The following HEBP1 variants were observed in gnomAD, a reference collection of about 807,000 sequenced individuals.
HEBP1 encodes heme binding protein 1.
HEBP1 carries 13 observed loss-of-function variants against 20.4 expected under a neutral mutation model. The observed-to-expected ratio is 0.64, with a 90% CI of 0.42 to 1.01. The LOEUF (loss-of-function observed/expected upper bound fraction) is 1.01. Among genes scored for constraint, HEBP1 ranks in the 50% least tolerant of loss-of-function variants. The pLI is 0.00. For missense variants in HEBP1, 241 were observed against 247.3 expected (o/e 0.97, Z 0.17); for synonymous variants, 92 against 90.7 (o/e 1.01, Z -0.08).
chr12:12,993,430 T>C (rs1864250855), intron 1 of HEBP1, among the ~76,000 whole-genome samples: 1 of 151,624 alleles, frequency 6.6e-6, no homozygotes, highest in South Asian at 2.1e-4. Flanking sequence ...TCTGAGCTCA[T>C]GCGATCCACC....
intron 1 of HEBP1, among the ~76,000 whole-genome samples, chr12:12,994,762 T>C (rs1473552631): frequency 7.9e-5 from 12 of 152,036 alleles, no homozygotes; most frequent in Admixed American, 7.9e-4. Flanking sequence ...GAGCAAACTG[T>C]CCATTGGGTA....
chr12:12,999,233 C>G (rs746235932), intron 1 of HEBP1, among the ~76,000 whole-genome samples: 3 of 152,362 alleles, frequency 2.0e-5, no homozygotes, highest in African/African-American at 7.2e-5. Flanking sequence ...GTATCTACTA[C>G]GTTTTTTCCT....
chr12:12,991,707 C>T lies in HEBP1; in HGVS notation c.79-2292G>A, dbSNP rs138040690. Among the ~76,000 whole-genome samples the T allele has an allele frequency of 8.9e-3, 1,359 of 152,292 alleles. 10 individuals carry two copies. Among genetic ancestry groups the T allele is most frequent in the Middle Eastern group, 0.027 (8 of 294 alleles). ...TACAGCCTGTCTTATCATGAATATACACATAGTTAAAGTTTCACAAAGTAA... is the reference window on the plus strand; with the variant it reads ...TACAGCCTGTCTTATCATGAATATATACATAGTTAAAGTTTCACAAAGTAA... On this transcript the variant is annotated intron_variant, in intron 1 of 3. Coordinates refer to ENST00000014930, the MANE Select transcript of HEBP1 (RefSeq NM_015987.5).
chr12:12,993,859 A>G (rs748303383), intron 1 of HEBP1, among the ~76,000 whole-genome samples: 47 of 152,176 alleles, frequency 3.1e-4, no homozygotes, highest in Non-Finnish European at 5.3e-4. Flanking sequence ...GGGGGCAAGG[A>G]GTGCCAGGGC....
intron 3 of HEBP1, chr12:12,977,436 G>A (rs1864004555): frequency 6.6e-6 from 1 of 152,238 alleles, no homozygotes; most frequent in Non-Finnish European, 1.5e-5. Context: ...GTAGCTGAGT[G>A]TTGTGGTGCA....
At position 12,975,254 on chromosome 12, in the gene HEBP1, G is replaced by A. The variant is rs79429827; in HGVS notation, c.*54C>T. 4.7e-4 allele frequency: 736 copies of A among 1,561,060 alleles called. 3 individuals carry two copies. In the African/African-American group the frequency reaches 9.2e-3, roughly 20 times the overall value. On this transcript the variant is annotated 3_prime_UTR_variant, in exon 4 of 4. Transcript: ENST00000014930. ...GAAGCACTGTCCCCTCCTTACCCCC[G>A]AGGAAGGAGACACAGAGGCACACTT... is the stretch of plus-strand genomic sequence containing the variant.
At chr12:12,988,671 T>A (rs1864181627) in intron 2 of HEBP1, among the ~76,000 whole-genome samples, 1 of 152,236 alleles carries the variant, frequency 6.6e-6, no homozygotes, top group Admixed American at 6.5e-5. Context: ...AACTCATTTT[T>A]AAATATGGTT....
chr12:12,987,610 C>CTCTCTCTT (rs1366687958), intron 2 of HEBP1, among the ~76,000 whole-genome samples: 8 of 146,124 alleles, frequency 5.5e-5, no homozygotes, highest in Non-Finnish European at 1.1e-4. Flanking sequence ...CTCTCTCTCT[C>CTCTCTCTT]TTTCTCTCTC....
In HEBP1 at chr12:12,987,590, TTCTCTC is replaced by T. The variant is rs145821079; in HGVS notation, c.218-264_218-259del. The stretch of plus-strand genomic sequence containing the variant: ...TCAAGACTGTAGATTATCAGTCTCT[TTCTCTC>T]TCTCTCTCTCTCTCTTTCTCTCTCT... On this transcript the variant is annotated intron_variant, in intron 2 of 3. Coordinates refer to ENST00000014930, the MANE Select transcript of HEBP1 (RefSeq NM_015987.5). Among the ~76,000 whole-genome samples the T allele has an allele frequency of 1.1e-4, 15 of 133,212 alleles. 1 individual carries two copies. Among genetic ancestry groups the T allele is most frequent in the Middle Eastern group, 6.7e-3 (2 of 298 alleles). The allele number at this position is 133,212 out of a possible 152,430, so 87.4% of individuals were successfully genotyped here.
intron 2 of HEBP1, 108 bp downstream of exon 2, chr12:12,989,169 G>T: frequency 8.5e-7 from 1 of 1,179,610 alleles, no homozygotes; most frequent in Non-Finnish European, 1.2e-6. Context: ...CATTGAAACA[G>T]GTCACTACAG....
chr12:12,977,664 C>T (rs909428236), intron 3 of HEBP1: 1 of 152,320 alleles, frequency 6.6e-6, no homozygotes, highest in Admixed American at 6.5e-5. Flanking sequence ...CTCACTTTCT[C>T]AATTAGGCCT....
At position 13,000,084 on chromosome 12, in the gene HEBP1, C is replaced by G. The variant is rs1371613593; in HGVS notation, c.31G>C (p.Gly11Arg). 2 of 1,612,618 alleles carry G rather than the reference C, an allele frequency of 1.2e-6. No homozygotes were observed. The highest frequency in any genetic ancestry group is 1.7e-5 in the Admixed American group (1 of 59,894). MLGMIKNSLFGSVETWPWQVL... is the reference protein window; with the variant it reads MLGMIKNSLFRSVETWPWQVL... ...TGCCAAGGCCACGTCTCTACGCTTC[C>G]GAACAGCGAGTTCTTGATCATGCCC... is the stretch of plus-strand genomic sequence containing the variant. The change falls in exon 1 of 4, where the codon GGA becomes CGA. Residue 11 changes from glycine to arginine, a missense_variant. Coordinates refer to ENST00000014930, the MANE Select transcript of HEBP1 (RefSeq NM_015987.5).
In HEBP1 at chr12:12,986,817, T is replaced by C. The variant is rs1025037794; in HGVS notation, c.398+335A>G. 2 of 200,428 alleles carry C rather than the reference T, an allele frequency of 1.0e-5. No individual in the cohort carries two copies. The highest frequency in any genetic ancestry group is 4.6e-5 in the African/African-American group (2 of 43,026). 12.4% of individuals were successfully genotyped at this position (200,428 alleles called of 1,614,324 possible). A position where few individuals can be genotyped will look rare whatever the true frequency, so the allele number is the denominator to read the frequency against. ...CTCAGCCCTTTATGCTTCCCATGTG[T>C]CCACGAATCCAGACCATGGCTTGAC... On this transcript the variant is annotated intron_variant, in intron 3 of 3. Transcript: ENST00000014930. The surrounding 1 kb of genome is among the most constrained non-coding windows in gnomAD (Gnocchi z 4.3).
intron 3 of HEBP1, among the ~76,000 whole-genome samples, chr12:12,977,951 A>G (rs1435875549): frequency 3.9e-5 from 6 of 152,184 alleles, no homozygotes; most frequent in Admixed American, 2.0e-4. Flanking sequence ...TTAAATGAAC[A>G]ATTCTGGGCT....
In HEBP1 at chr12:12,976,445, C is replaced by G. The variant is rs563507471; in HGVS notation, c.399-966G>C. ...TATACCACTCTAAATCTGGGTTGCA[C>G]TAAAATTTTTATTAGAGTCAAGTAC... On this transcript the variant is annotated intron_variant, in intron 3 of 3. Coordinates refer to ENST00000014930, the MANE Select transcript of HEBP1 (RefSeq NM_015987.5). Among the ~76,000 whole-genome samples, 5 of 152,324 alleles carry G rather than the reference C, an allele frequency of 3.3e-5. No individual in the cohort carries two copies. In the South Asian group the frequency reaches 1.0e-3, roughly 32 times the overall value.
At chr12:12,982,772 C>A (rs530362594) in intron 3 of HEBP1, among the ~76,000 whole-genome samples, 1 of 152,286 alleles carries the variant, frequency 6.6e-6, no homozygotes, top group South Asian at 2.1e-4. Flanking sequence ...GGTTCTAACC[C>A]AAGTGTATCT....
At position 12,986,988 on chromosome 12, in the gene HEBP1, C is replaced by T; in HGVS notation, c.398+164G>A. ...ATAAAATGCAAATGTGTGTGTGCTG[C>T]AGCCTGAAGAAATTAAAATGAGAAA... On this transcript the variant is annotated intron_variant, in intron 3 of 3. Coordinates refer to ENST00000014930, the MANE Select transcript of HEBP1 (RefSeq NM_015987.5). This position sits in a 1 kb window ranked among gnomAD's most constrained non-coding sequence, Gnocchi z 4.3. 1.5e-6 allele frequency: 1 copy of T among 661,506 alleles called. No homozygotes were observed. Among genetic ancestry groups the T allele is most frequent in the Non-Finnish European group, 2.6e-6 (1 of 378,734 alleles). 41.0% of individuals were successfully genotyped at this position (661,506 alleles called of 1,614,324 possible).
intron 3 of HEBP1, chr12:12,983,948 C>T (rs1266613299): frequency 3.2e-6 from 1 of 316,874 alleles, no homozygotes; most frequent in East Asian, 8.0e-5. Context: ...TCAAAAGGAC[C>T]AACAAACCAA....
rs1171653946 is a variant in HEBP1 at position 12,975,536 on chromosome 12, G to T, written c.399-57C>A. On this transcript the variant is annotated intron_variant, in intron 3 of 3. Transcript: ENST00000014930. ...AAGGACATGACCTCTGAGAGAGGGG[G>T]GATCTTTAGAAAAAAGTCACTCACC... is the stretch of plus-strand genomic sequence containing the variant. 4.1e-6 allele frequency: 6 copies of T among 1,476,032 alleles called. No homozygotes were observed. The South Asian group carries it at 5.0e-5, about 12-fold the overall frequency. 91.4% of individuals were successfully genotyped at this position (1,476,032 alleles called of 1,614,324 possible). A position where few individuals can be genotyped will look rare whatever the true frequency, so the allele number is the denominator to read the frequency against.
Sources: gnomAD v4.1 joint callset for allele counts (sites outside exome capture counted in the v4.1 genomes callset) on GRCh38, gnomAD v4.1.1 for gene constraint, Gnocchi (gnomAD v3.1) non-coding constraint, MANE v1.5 for transcripts, NCBI Gene and HGNC (gene_info 2026-07-23, HGNC 2026-07-21) for gene names.